MINDY3: variants seen among roughly 807,000 people sequenced by gnomAD.
The protein encoded by MINDY3 is MINDY lysine 48 deubiquitinase 3, also known as ubiquitin carboxyl-terminal hydrolase MINDY-3.
MINDY3 carries 38 observed loss-of-function variants against 69.2 expected under a neutral mutation model. The observed-to-expected ratio is 0.55, with a 90% CI of 0.42 to 0.72. The LOEUF is 0.72. Among genes scored for constraint, MINDY3 ranks in the 30% least tolerant of loss-of-function variants. MINDY3 has a pLI of 0.00. For missense variants in MINDY3, 522 were observed against 519.0 expected, an observed-to-expected ratio of 1.01 and a Z score of -0.06; for synonymous variants, 192 against 180.1, an observed-to-expected ratio of 1.07 and a Z score of -0.53.
At chr10:15,822,547 A>C (rs553126576) in intron 8 of MINDY3, among the ~76,000 whole-genome samples, 2 of 152,342 alleles carry the variant, frequency 1.3e-5, no homozygotes, top group East Asian at 3.9e-4. Flanking sequence ...GTTTCCTTAA[A>C]TGTTTCTGGT....
At chr10:15,834,694 C>T in intron 6 of MINDY3, 78 bp from the exon 7 acceptor site, 1 of 889,850 alleles carries the variant, frequency 1.1e-6, no homozygotes, top group Non-Finnish European at 1.8e-6. Flanking sequence ...GACTAGTTTA[C>T]ACTATAAACT....
chr10:15,822,350 G>A (rs187750615), intron 8 of MINDY3, among the ~76,000 whole-genome samples: 13 of 152,124 alleles, frequency 8.5e-5, no homozygotes, highest in Admixed American at 3.9e-4. Context: ...ACACACACAC[G>A]GAGTGGTATG....
intron 8 of MINDY3, among the ~76,000 whole-genome samples, chr10:15,823,314 G>A (rs1246549213): frequency 1.3e-5 from 2 of 152,120 alleles, no homozygotes. Flanking sequence ...GAGACTACGT[G>A]AGATCAACAT....
At chr10:15,827,176 TAAAA>T (rs56332799) in intron 8 of MINDY3, among the ~76,000 whole-genome samples, 4 of 44,852 alleles carry the variant, frequency 8.9e-5, no homozygotes, top group Non-Finnish European at 1.6e-4. Flanking sequence ...ATAACAGGAG[TAAAA>T]AAAAAAAAAA....
At chr10:15,803,045 A>C (rs1838377709) in intron 10 of MINDY3, among the ~76,000 whole-genome samples, 1 of 152,202 alleles carries the variant, frequency 6.6e-6, no homozygotes, top group African/African-American at 2.4e-5. Context: ...ATAGTCTTCT[A>C]AAGTGATTAC....
At chr10:15,832,565 C>T (rs929350403) in intron 8 of MINDY3, among the ~76,000 whole-genome samples, 34 of 152,086 alleles carry the variant, frequency 2.2e-4, no homozygotes, top group Non-Finnish European at 3.8e-4. Flanking sequence ...TTTTTGTTCA[C>T]GAATTTCACT....
chr10:15,851,548 T>C lies in MINDY3; in HGVS notation c.95-3605A>G, dbSNP rs116237336. Among the ~76,000 whole-genome samples, 482 of 152,096 alleles carry C rather than the reference T, an allele frequency of 3.2e-3. 3 individuals carry two copies. Among genetic ancestry groups the C allele is most frequent in the African/African-American group, 0.011 (446 of 41,490 alleles). On this transcript the variant is annotated intron_variant, in intron 1 of 14. Coordinates refer to ENST00000277632, the MANE Select transcript of MINDY3 (RefSeq NM_024948.4). The stretch of plus-strand genomic sequence containing the variant: ...TCTCTGGAAAACTCAAACTTACCTA[T>C]AGGTTTCACCCTAAGATAAGGCCTG...
intron 8 of MINDY3, among the ~76,000 whole-genome samples, chr10:15,828,440 CT>C (rs1211900055): frequency 6.6e-6 from 1 of 152,050 alleles, no homozygotes; most frequent in East Asian, 1.9e-4. Context: ...GGAGGACAGG[CT>C]TTCTTTTTAA....
intron 12 of MINDY3, 142 bp from the exon 13 acceptor site, chr10:15,786,790 A>G: frequency 1.6e-6 from 1 of 608,974 alleles, no homozygotes; most frequent in East Asian, 2.9e-5. Flanking sequence ...TTAATGACAA[A>G]TACACAGGAA....
chr10:15,809,954 A>G (rs1838887788), intron 10 of MINDY3, among the ~76,000 whole-genome samples: 1 of 152,178 alleles, frequency 6.6e-6, no homozygotes, highest in South Asian at 2.1e-4. Context: ...TTCTTCATGA[A>G]AGAAATGTTA....
intron 10 of MINDY3, among the ~76,000 whole-genome samples, chr10:15,800,443 T>C (rs1838178098): frequency 6.6e-6 from 1 of 152,134 alleles, no homozygotes; most frequent in Non-Finnish European, 1.5e-5. Flanking sequence ...TGTGGTGAGC[T>C]TGTGTTGTAT....
intron 8 of MINDY3, among the ~76,000 whole-genome samples, chr10:15,831,955 C>T (rs933663087): frequency 6.6e-6 from 1 of 152,128 alleles, no homozygotes; most frequent in African/African-American, 2.4e-5. Context: ...GGACTACAGG[C>T]ATGAGCCACC....
rs1454592234 is a variant in MINDY3 at position 15,843,224 on chromosome 10, G to A, written c.223C>T (p.Arg75Trp). 2.5e-6 allele frequency: 4 copies of A among 1,612,514 alleles called. No homozygotes were observed. Among genetic ancestry groups the A allele is most frequent in the East Asian group, 2.2e-5 (1 of 44,832 alleles). Residue 75 changes from arginine (R) to tryptophan (W), a missense_variant, in exon 3 of 15, where the codon CGG becomes TGG. Transcript: ENST00000277632. ...LLFSSEKSSW[R>W]DCSEEEQKEL... ...ACAGCTATCATACCTGAACAATCCC[G>A]CCAAGAAGACTTCTCCGAAGAAAAC... is the stretch of plus-strand genomic sequence containing the variant.
chr10:15,787,340 A>G (rs1035338541), intron 12 of MINDY3, among the ~76,000 whole-genome samples: 2 of 152,186 alleles, frequency 1.3e-5, no homozygotes, highest in Non-Finnish European at 2.9e-5. Context: ...AAGGCAGAAG[A>G]AGGCAGACTG....
chr10:15,847,726 G>A (rs889343194), intron 2 of MINDY3, 138 bp downstream of exon 2: 3 of 531,778 alleles, frequency 5.6e-6, no homozygotes, highest in Non-Finnish European at 1.0e-5. Context: ...GATATTTATT[G>A]TAATTTACAT....
At chr10:15,856,538 T>C (rs1188489764) in intron 1 of MINDY3, among the ~76,000 whole-genome samples, 1 of 151,960 alleles carries the variant, frequency 6.6e-6, no homozygotes, top group African/African-American at 2.4e-5. Flanking sequence ...GAAGGAAAAA[T>C]GGCTATAAGA....
At chr10:15,801,375 A>G (rs553455831) in intron 10 of MINDY3, among the ~76,000 whole-genome samples, 4 of 152,266 alleles carry the variant, frequency 2.6e-5, no homozygotes, top group Non-Finnish European at 5.9e-5. Context: ...TTTTGGCTGT[A>G]TAAGAAAGAA....
rs147192261 is a variant in MINDY3 at position 15,788,012 on chromosome 10, C to A, written c.1028+1235G>T. ...TGTACTAACTTCATGATTCAAGGTACGTTTTCCATCTGATAAAACAAGGAA... is the reference window on the plus strand; with the variant it reads ...TGTACTAACTTCATGATTCAAGGTAAGTTTTCCATCTGATAAAACAAGGAA... On this transcript the variant is annotated intron_variant, in intron 12 of 14. Coordinates refer to ENST00000277632, the MANE Select transcript of MINDY3 (RefSeq NM_024948.4). Among the ~76,000 whole-genome samples the A allele has an allele frequency of 3.3e-3, 497 of 151,896 alleles. 3 individuals carry two copies. Among genetic ancestry groups the A allele is most frequent in the African/African-American group, 0.011 (473 of 41,412 alleles).
intron 13 of MINDY3, 36 bp from the exon 14 acceptor site, chr10:15,782,262 A>ATATT: frequency 1.5e-6 from 2 of 1,360,958 alleles, no homozygotes; most frequent in Non-Finnish European, 2.0e-6. Context: ...ACTTTAAATT[A>ATATT]TATTTATATC....
Sources: gnomAD v4.1 joint callset for allele counts (sites outside exome capture counted in the v4.1 genomes callset) on GRCh38, gnomAD v4.1.1 for gene constraint, MANE v1.5 for transcripts, NCBI Gene and HGNC (gene_info 2026-07-23, HGNC 2026-07-21) for gene names.